The following VPS13A variants were observed in gnomAD, a reference collection of about 807,000 sequenced individuals.
VPS13A encodes vacuolar protein sorting 13 homolog A.
VPS13A carries 264 observed loss-of-function variants against 390.9 expected under a neutral mutation model. The observed-to-expected ratio is 0.68, with a 90% CI of 0.61 to 0.75. VPS13A has a LOEUF of 0.75. VPS13A is among the 30% of genes least tolerant of loss of function. The pLI, the probability that VPS13A is intolerant of heterozygous loss-of-function variation, is 0.00. For synonymous variants in VPS13A, 1,231 were observed against 1,227.1 expected, an observed-to-expected ratio of 1.00 and a Z score of -0.07; for missense variants, 3,409 against 3,733.9, an observed-to-expected ratio of 0.91 and a Z score of 2.27.
chr9:77,259,569 G>C (rs1386241240), intron 22 of VPS13A, among the ~76,000 whole-genome samples: 1 of 152,114 alleles, frequency 6.6e-6, no homozygotes, highest in African/African-American at 2.4e-5. Context: ...CTAACTTTCT[G>C]TCTCTCTCAA....
intron 21 of VPS13A, among the ~76,000 whole-genome samples, chr9:77,251,478 T>C (rs988641185): frequency 3.3e-5 from 5 of 152,190 alleles, no homozygotes; most frequent in Non-Finnish European, 1.5e-5. Flanking sequence ...ACTATTGATA[T>C]TTTGTTGCAC....
chr9:77,331,019 T>A (rs527447737), intron 45 of VPS13A, among the ~76,000 whole-genome samples: 1 of 152,304 alleles, frequency 6.6e-6, no homozygotes, highest in East Asian at 1.9e-4. Context: ...ATTCAGATAT[T>A]CGAAGTGTAA....
At chr9:77,250,065 G>T in intron 20 of VPS13A, 32 bp from the exon 21 acceptor site, 1 of 1,610,404 alleles carries the variant, frequency 6.2e-7, no homozygotes, top group Non-Finnish European at 8.5e-7. Flanking sequence ...GAAGTATTTT[G>T]CATAGTCTAA....
At chr9:77,360,500 T>G in intron 58 of VPS13A, 36 bp from the exon 59 acceptor site, 1 of 1,477,142 alleles carries the variant, frequency 6.8e-7, no homozygotes, top group Non-Finnish European at 9.5e-7. Context: ...TGTTAATTGA[T>G]GATTTTTAAA....
intron 19 of VPS13A, among the ~76,000 whole-genome samples, chr9:77,243,358 A>G (rs1331283018): frequency 6.6e-6 from 1 of 152,184 alleles, no homozygotes; most frequent in Non-Finnish European, 1.5e-5. Flanking sequence ...ATCTTTGAGG[A>G]TCATGTTATT....
At position 77,177,664 on chromosome 9, in the gene VPS13A, A is replaced by G. The variant is rs1189077649; in HGVS notation, c.-41A>G. ...GCGTGGGGAAGGCGGCGGGAGGAGG[A>G]GCGCACGGGCCGGCTGCCGTGCCCA... On this transcript the variant is annotated 5_prime_UTR_variant, in exon 1 of 72. Coordinates refer to ENST00000360280, the MANE Select transcript of VPS13A (RefSeq NM_033305.3). 6.4e-7 allele frequency: 1 copy of G among 1,570,944 alleles called. No individual in the cohort carries two copies. Among genetic ancestry groups the G allele is most frequent in the Admixed American group, 1.7e-5 (1 of 59,748 alleles).
intron 23 of VPS13A, among the ~76,000 whole-genome samples, chr9:77,265,199 A>G (rs1825968345): frequency 6.6e-6 from 1 of 152,204 alleles, no homozygotes; most frequent in Non-Finnish European, 1.5e-5. Flanking sequence ...TTGGTTTGCC[A>G]GTAGTTTATT....
At chr9:77,180,092 T>A (rs1165886410) in intron 1 of VPS13A, among the ~76,000 whole-genome samples, 1 of 152,224 alleles carries the variant, frequency 6.6e-6, no homozygotes, top group Non-Finnish European at 1.5e-5. Context: ...GACCACAATT[T>A]ATTTATCTAT....
At chr9:77,374,621 C>G (rs908881431) in intron 67 of VPS13A, among the ~76,000 whole-genome samples, 1 of 152,174 alleles carries the variant, frequency 6.6e-6, no homozygotes, top group African/African-American at 2.4e-5. Context: ...CTGTGGATAA[C>G]TGACACTGCA....
chr9:77,375,342 A>T (rs760969447), intron 67 of VPS13A, among the ~76,000 whole-genome samples: 2 of 152,214 alleles, frequency 1.3e-5, no homozygotes. Context: ...AGATAAAAAT[A>T]TAAATTGGAT....
At chr9:77,392,643 T>C (rs1420907288) in intron 68 of VPS13A, among the ~76,000 whole-genome samples, 1 of 152,014 alleles carries the variant, frequency 6.6e-6, no homozygotes, top group Non-Finnish European at 1.5e-5. Context: ...CACGCATATA[T>C]TTGTTCTCCA....
In VPS13A at chr9:77,276,120, T is replaced by C; in HGVS notation, c.2723T>C (p.Ile908Thr). The C allele has an allele frequency of 1.5e-5, 24 of 1,613,370 alleles. No homozygotes were observed. Among genetic ancestry groups the C allele is most frequent in the Non-Finnish European group, 1.9e-5 (23 of 1,179,720 alleles). Residue 908 changes from isoleucine (I) to threonine (T), a missense_variant, in exon 26 of 72, where the codon ATT becomes ACT. By Grantham distance (89) the Ile-to-Thr change is moderately conservative. This residue lies in a region of VPS13A where 2,717 missense variants were observed against 2,917.4 expected (regional missense o/e 0.93). Transcript: ENST00000360280. ...VGDCELSVVE[I>T]LVLGLGAEIE... ...GATTGTGAACTATCTGTGGTAGAAA[T>C]TCTTGTTTTAGGATTGGGTGCAGAA...
chr9:77,333,808 T>G (rs1375071461), intron 46 of VPS13A, among the ~76,000 whole-genome samples: 3 of 152,116 alleles, frequency 2.0e-5, no homozygotes, highest in Non-Finnish European at 4.4e-5. Context: ...AATTTATATT[T>G]TATTAAAATA....
At chr9:77,407,794 G>T in intron 71 of VPS13A, 187 bp downstream of exon 71, 1 of 540,158 alleles carries the variant, frequency 1.9e-6, no homozygotes, top group South Asian at 2.5e-5. Context: ...TTTTCTACCA[G>T]ATTCAATTCG....
intron 45 of VPS13A, 143 bp downstream of exon 45, chr9:77,323,370 C>T (rs1829848254): frequency 2.0e-6 from 2 of 985,006 alleles, no homozygotes; most frequent in Non-Finnish European, 3.1e-6. Flanking sequence ...GACTCACTAC[C>T]ACCAGTTGCG....
intron 35 of VPS13A, among the ~76,000 whole-genome samples, chr9:77,309,367 C>A (rs1658819727): frequency 6.6e-6 from 1 of 152,072 alleles, no homozygotes; most frequent in Non-Finnish European, 1.5e-5. Context: ...ATGAGTGTTA[C>A]AGAAGAAATA....
intron 33 of VPS13A, among the ~76,000 whole-genome samples, chr9:77,302,307 T>G (rs968948793): frequency 6.6e-6 from 1 of 151,692 alleles, no homozygotes; most frequent in Non-Finnish European, 1.5e-5. Flanking sequence ...ACTTACAACT[T>G]ATATACTTTT....
rs776824321 is a variant in VPS13A, at chr9:77,328,211, A to G, written c.5992-3799A>G. On this transcript the variant is annotated intron_variant, in intron 45 of 71. Transcript: ENST00000360280. ...ACTCCAGTGACAATGTGCATGGCCAATGAGCAGTAGCATTTTGAAAGGATT... is the reference window on the plus strand; with the variant it reads ...ACTCCAGTGACAATGTGCATGGCCAGTGAGCAGTAGCATTTTGAAAGGATT... Among the ~76,000 whole-genome samples, 26 of 152,312 alleles carry G rather than the reference A, an allele frequency of 1.7e-4. 1 individual carries two copies. Among genetic ancestry groups the G allele is most frequent in the Non-Finnish European group, 1.8e-4 (12 of 68,034 alleles).
chr9:77,308,186 C>T, intron 35 of VPS13A, 88 bp downstream of exon 35: 1 of 1,401,386 alleles, frequency 7.1e-7, no homozygotes, highest in Non-Finnish European at 1.0e-6. Flanking sequence ...TCTGTCTTTT[C>T]CCTCCTTCCT....
Sources: allele counts gnomAD v4.1 joint callset (sites outside exome capture counted in the v4.1 genomes callset), GRCh38; gene constraint gnomAD v4.1.1; regional missense constraint gnomAD v4.1.1; transcripts MANE v1.5; gene names NCBI Gene and HGNC (gene_info 2026-07-23, HGNC 2026-07-21).